Variants in CFAP299 observed in about 807,000 individuals in gnomAD.
CFAP299 encodes the protein cilia and flagella associated protein 299, also known as cilia- and flagella-associated protein 299.
CFAP299 carries 21 observed loss-of-function variants against 27.0 expected under a neutral mutation model. That is an observed-to-expected ratio of 0.78 (90% CI 0.55 to 1.12). The LOEUF (loss-of-function observed/expected upper bound fraction) is 1.12. Among genes scored for constraint, CFAP299 ranks in the 50% most tolerant of loss-of-function variants. The pLI, the probability that CFAP299 is intolerant of heterozygous loss-of-function variation, is 0.00. For missense variants in CFAP299, 310 were observed against 276.6 expected, an observed-to-expected ratio of 1.12 and a Z score of -0.86; for synonymous variants, 104 against 98.1, an observed-to-expected ratio of 1.06 and a Z score of -0.36.
chr4:80,753,942 T>C lies in CFAP299; in HGVS notation c.334-116051T>C, dbSNP rs556598098. On this transcript the variant is annotated intron_variant, in intron 3 of 5. Coordinates refer to ENST00000358105, the MANE Select transcript of CFAP299 (RefSeq NM_152770.3). ...ACTAGAATCTTTAACACATTAATCA[T>C]AGAAATTTTAAATCCACTGTTAGAT... Among the ~76,000 whole-genome samples the C allele has an allele frequency of 1.4e-4, 21 of 152,324 alleles. No homozygotes were observed. In the South Asian group the frequency reaches 4.3e-3, roughly 32 times the overall value.
At chr4:80,674,125 T>C (rs1719226079) in intron 3 of CFAP299, among the ~76,000 whole-genome samples, 1 of 152,238 alleles carries the variant, frequency 6.6e-6, no homozygotes, top group South Asian at 2.1e-4. Context: ...CTCGATGATC[T>C]TTACAATTTG....
intron 2 of CFAP299, among the ~76,000 whole-genome samples, chr4:80,552,688 G>A (rs1489480842): frequency 6.6e-6 from 1 of 152,124 alleles, no homozygotes; most frequent in Non-Finnish European, 1.5e-5. Context: ...TACACCAGTA[G>A]TTTGGGGTTT....
chr4:80,338,481 T>C (rs1227458870), intron 1 of CFAP299, among the ~76,000 whole-genome samples: 1 of 152,208 alleles, frequency 6.6e-6, no homozygotes, highest in Non-Finnish European at 1.5e-5. Flanking sequence ...TTTTTGGTTC[T>C]AACTCTGCAA....
At chr4:80,686,813 C>A (rs1335555743) in intron 3 of CFAP299, among the ~76,000 whole-genome samples, 1 of 152,178 alleles carries the variant, frequency 6.6e-6, no homozygotes, top group Non-Finnish European at 1.5e-5. Context: ...AACTACAGCA[C>A]AGTGATTTGG....
chr4:80,485,828 C>T (rs1730792142), intron 2 of CFAP299, among the ~76,000 whole-genome samples: 1 of 152,106 alleles, frequency 6.6e-6, no homozygotes, highest in South Asian at 2.1e-4. Flanking sequence ...CTTTTAATTT[C>T]ATTCTTCATA....
intron 3 of CFAP299, among the ~76,000 whole-genome samples, chr4:80,866,701 C>T (rs1578198639): frequency 6.6e-6 from 1 of 152,202 alleles, no homozygotes; most frequent in Middle Eastern, 3.4e-3. Context: ...CTTGACCTCA[C>T]TTAAAGTCCT....
intron 5 of CFAP299, among the ~76,000 whole-genome samples, chr4:80,956,911 A>G (rs1034496880): frequency 5.9e-5 from 9 of 152,134 alleles, no homozygotes; most frequent in Non-Finnish European, 1.3e-4. Context: ...TAAAGTTTAC[A>G]GTTGTTTTGT....
intron 3 of CFAP299, among the ~76,000 whole-genome samples, chr4:80,602,999 G>A (rs1299783492): frequency 6.6e-6 from 1 of 151,914 alleles, no homozygotes. Context: ...AGGTGCTGGC[G>A]GTGTGTGCCC....
chr4:80,387,728 T>C (rs1057474454), intron 2 of CFAP299: 18 of 1,583,628 alleles, frequency 1.1e-5, no homozygotes, highest in Non-Finnish European at 1.6e-5. Flanking sequence ...TTCTCACCTG[T>C]GTGGCTTCAG....
chr4:80,883,610 T>A (rs1578210516), intron 4 of CFAP299, among the ~76,000 whole-genome samples: 1 of 151,978 alleles, frequency 6.6e-6, no homozygotes, highest in East Asian at 2.0e-4. Context: ...CATAAAGTAA[T>A]AATTAAAAGA....
chr4:80,522,576 GA>G (rs1344259533), intron 2 of CFAP299, among the ~76,000 whole-genome samples: 1 of 151,948 alleles, frequency 6.6e-6, no homozygotes, highest in Non-Finnish European at 1.5e-5. Context: ...TCATTTCCAA[GA>G]TCAACATTTT....
intron 3 of CFAP299, among the ~76,000 whole-genome samples, chr4:80,706,436 A>T (rs1193733741): frequency 1.3e-5 from 2 of 151,828 alleles, no homozygotes; most frequent in Non-Finnish European, 2.9e-5. Context: ...TTTGGGGGGT[A>T]AAATATGAAT....
chr4:80,854,228 T>A (rs1436759501), intron 3 of CFAP299, among the ~76,000 whole-genome samples: 1 of 152,178 alleles, frequency 6.6e-6, no homozygotes, highest in Non-Finnish European at 1.5e-5. Context: ...TAAAATTTTT[T>A]AAAAATCAAA....
Position 80,365,805 on chromosome 4 carries a change from G to A in CFAP299, c.242+2921G>A, listed in dbSNP as rs143381374. Among the ~76,000 whole-genome samples, 11 of 152,286 alleles carry A rather than the reference G, an allele frequency of 7.2e-5. No homozygotes were observed. In the East Asian group the frequency reaches 2.1e-3, roughly 29 times the overall value. On this transcript the variant is annotated intron_variant, in intron 2 of 5. Transcript: ENST00000358105. ...TATAAGCTATTTCATATCAAGACGAGTTATTCATGTTTAAAGTCTAAGTTC... is the reference window on the plus strand; with the variant it reads ...TATAAGCTATTTCATATCAAGACGAATTATTCATGTTTAAAGTCTAAGTTC...
chr4:80,637,292 A>G (rs1375837408), intron 3 of CFAP299, among the ~76,000 whole-genome samples: 1 of 152,208 alleles, frequency 6.6e-6, no homozygotes, highest in Non-Finnish European at 1.5e-5. Context: ...TCAGCAAGGT[A>G]TAATAGATAT....
At chr4:80,821,522 A>C (rs1479289005) in intron 3 of CFAP299, among the ~76,000 whole-genome samples, 1 of 152,130 alleles carries the variant, frequency 6.6e-6, no homozygotes, top group Non-Finnish European at 1.5e-5. Flanking sequence ...GAAAAGCGGC[A>C]CACCTGCTTC....
intron 2 of CFAP299, among the ~76,000 whole-genome samples, chr4:80,530,337 G>T (rs1488370336): frequency 1.3e-5 from 2 of 152,032 alleles, no homozygotes; most frequent in Admixed American, 1.3e-4. Flanking sequence ...TCCTGAAATT[G>T]TCAAGTGAAA....
At chr4:80,649,117 G>A (rs1740168436) in intron 3 of CFAP299, 1 of 152,168 alleles carries the variant, frequency 6.6e-6, no homozygotes, top group Non-Finnish European at 1.5e-5. Context: ...GAGGAAACTG[G>A]ACTAACAAAG....
At chr4:80,619,927 A>G (rs1211422254) in intron 3 of CFAP299, among the ~76,000 whole-genome samples, 1 of 152,124 alleles carries the variant, frequency 6.6e-6, no homozygotes, top group Non-Finnish European at 1.5e-5. Flanking sequence ...AATCTTCAAA[A>G]TTATCATTTT....
Sources: gnomAD v4.1 joint callset for allele counts (sites outside exome capture counted in the v4.1 genomes callset) on GRCh38, gnomAD v4.1.1 for gene constraint, MANE v1.5 for transcripts, NCBI Gene and HGNC (gene_info 2026-07-23, HGNC 2026-07-21) for gene names.